The following VTI1A variants were observed in gnomAD, a reference collection of about 807,000 sequenced individuals.
The protein encoded by VTI1A is vesicle transport through interaction with t-SNAREs 1A.
In VTI1A, 22 loss-of-function variants were observed where a neutral mutation model predicts 34.9. The ratio of observed to expected loss-of-function variants is 0.63; its 90% CI spans 0.45 to 0.90. The LOEUF (loss-of-function observed/expected upper bound fraction) is 0.90. VTI1A is among the 40% of genes least tolerant of loss of function. The pLI is 0.00. For synonymous variants in VTI1A, 87 were observed against 97.3 expected, an observed-to-expected ratio of 0.89 and a Z score of 0.62; for missense variants, 268 against 275.6, an observed-to-expected ratio of 0.97 and a Z score of 0.20.
At chr10:112,702,484 A>G (rs892569523) in intron 7 of VTI1A, among the ~76,000 whole-genome samples, 5 of 152,190 alleles carry the variant, frequency 3.3e-5, no homozygotes, top group Non-Finnish European at 5.9e-5. Context: ...CAGTGGCACA[A>G]TCTCGGCTCA....
chr10:112,543,412 A>G (rs1437527854), intron 5 of VTI1A, among the ~76,000 whole-genome samples: 1 of 151,970 alleles, frequency 6.6e-6, no homozygotes, highest in African/African-American at 2.4e-5. Context: ...TTTGATTTGC[A>G]TTTCTCTGAT....
rs370013434 is a variant in VTI1A at position 112,815,419 on chromosome 10, C to A, written c.*36C>A. 3.9e-5 allele frequency: 61 copies of A among 1,555,242 alleles called. No homozygotes were observed. The highest frequency in any genetic ancestry group is 5.4e-5 in the Non-Finnish European group (61 of 1,126,682). On this transcript the variant is annotated 3_prime_UTR_variant, in exon 8 of 8. Coordinates refer to ENST00000393077, the MANE Select transcript of VTI1A (RefSeq NM_145206.4). The stretch of plus-strand genomic sequence containing the variant: ...CTCCCTTGATAAACAGCAACAACAG[C>A]TTGTTCTGAGTAATTAAGACAAAAT...
chr10:112,448,480 G>C (rs981343521), intron 1 of VTI1A: 1 of 152,226 alleles, frequency 6.6e-6, no homozygotes, highest in African/African-American at 2.4e-5. Context: ...GAAAATAAGT[G>C]AATGAGCAGG....
At chr10:112,693,081 G>A (rs946377544) in intron 7 of VTI1A, among the ~76,000 whole-genome samples, 1 of 152,158 alleles carries the variant, frequency 6.6e-6, no homozygotes, top group Non-Finnish European at 1.5e-5. Context: ...AAACTCTTAA[G>A]CACTCAAACA....
chr10:112,738,475 A>G (rs1366980262), intron 7 of VTI1A, among the ~76,000 whole-genome samples: 1 of 152,148 alleles, frequency 6.6e-6, no homozygotes, highest in Non-Finnish European at 1.5e-5. Context: ...CTTTATATCT[A>G]GGATTCAGCA....
At chr10:112,657,820 T>TG (rs34190008) in intron 5 of VTI1A, among the ~76,000 whole-genome samples, 19,867 of 126,578 alleles carry the variant, frequency 0.16, 1,328 homozygotes, top group African/African-American at 0.21. Flanking sequence ...TGTGTGTGTG[T>TG]TTGTGTGTGT....
intron 3 of VTI1A, among the ~76,000 whole-genome samples, chr10:112,500,679 T>C (rs1849202206): frequency 6.6e-6 from 1 of 152,144 alleles, no homozygotes; most frequent in African/African-American, 2.4e-5. Context: ...GCATCTGAGT[T>C]TGCTTCTCCT....
chr10:112,732,681 C>T (rs7912157), intron 7 of VTI1A, among the ~76,000 whole-genome samples: 105,626 of 152,078 alleles, frequency 0.69, 36,994 homozygotes, highest in East Asian at 0.86. Flanking sequence ...GCCTTTCACA[C>T]TGTGTGTGGC....
At chr10:112,533,227 T>G (rs1589870617) in intron 4 of VTI1A, among the ~76,000 whole-genome samples, 1 of 152,076 alleles carries the variant, frequency 6.6e-6, no homozygotes, top group Admixed American at 6.5e-5. Context: ...CTTTATAATA[T>G]AGACTTCTAT....
chr10:112,822,327 G>A (rs1317067312), downstream of VTI1A, among the ~76,000 whole-genome samples: 4 of 152,192 alleles, frequency 2.6e-5, no homozygotes, highest in African/African-American at 7.2e-5. Flanking sequence ...CCTGAGAATG[G>A]GCTCTGCAAA....
intron 5 of VTI1A, among the ~76,000 whole-genome samples, chr10:112,626,346 A>T (rs1442511394): frequency 6.6e-6 from 1 of 152,124 alleles, no homozygotes; most frequent in African/African-American, 2.4e-5. Context: ...ATCTTCAAAA[A>T]TCCAAGCATT....
chr10:112,464,498 A>G (rs765976220), intron 2 of VTI1A, 49 bp from the exon 3 acceptor site: 11 of 1,505,028 alleles, frequency 7.3e-6, no homozygotes, highest in South Asian at 1.2e-5. Context: ...ATTTGTTCAA[A>G]TAAGAATAAC....
At chr10:112,765,608 T>C (rs752398060) in intron 7 of VTI1A, among the ~76,000 whole-genome samples, 14 of 152,332 alleles carry the variant, frequency 9.2e-5, no homozygotes, top group Admixed American at 2.0e-4. Context: ...TGGGGAAATA[T>C]TGGTGAGCAA....
At chr10:112,500,257 A>G (rs929236237) in intron 3 of VTI1A, among the ~76,000 whole-genome samples, 3 of 152,112 alleles carry the variant, frequency 2.0e-5, no homozygotes, top group African/African-American at 7.2e-5. Context: ...CAACATGGTG[A>G]GATCCCGTCT....
chr10:112,749,059 A>G (rs1590148330), intron 7 of VTI1A, among the ~76,000 whole-genome samples: 2 of 152,242 alleles, frequency 1.3e-5, no homozygotes, highest in East Asian at 3.9e-4. Context: ...GTTGTCAAAT[A>G]AAACAACCAG....
the VTI1A span, chr10:112,826,838 G>A: frequency 6.6e-6 from 1 of 152,146 alleles, no homozygotes; most frequent in Non-Finnish European, 1.5e-5. Context: ...GCCCAAAAAT[G>A]GGTCTAAAGT....
At chr10:112,830,849 A>ATATATATATATTTTTTTTT in the VTI1A span, among the ~76,000 whole-genome samples, 14 of 33,492 alleles carry the variant, frequency 4.2e-4, 1 homozygote, top group Non-Finnish European at 6.9e-4. Flanking sequence ...ATATATATAT[A>ATATATATATATTTTTTTTT]TTTTTTTTTT....
At chr10:112,658,212 C>G (rs1564870632) in intron 5 of VTI1A, among the ~76,000 whole-genome samples, 2 of 152,132 alleles carry the variant, frequency 1.3e-5, no homozygotes. Flanking sequence ...CTTAGCCTCC[C>G]AAGAAGCTGA....
At chr10:112,784,930 G>C (rs1183384783) in intron 7 of VTI1A, among the ~76,000 whole-genome samples, 2 of 152,206 alleles carry the variant, frequency 1.3e-5, no homozygotes, top group Non-Finnish European at 2.9e-5. Flanking sequence ...TGAAAACACA[G>C]ATTCCACCCT....
Sources: allele counts gnomAD v4.1 joint callset (sites outside exome capture counted in the v4.1 genomes callset), GRCh38; gene constraint gnomAD v4.1.1; transcripts MANE v1.5; gene names NCBI Gene and HGNC (gene_info 2026-07-23, HGNC 2026-07-21).